FGF14: variants seen among roughly 807,000 people sequenced by gnomAD.
The protein encoded by FGF14 is fibroblast growth factor 14, also known as fibroblast growth factor homologous factor 4.
Under a neutral mutation model 25.5 loss-of-function variants are expected in FGF14, and 5 were observed. The ratio of observed to expected loss-of-function variants is 0.20; its 90% CI spans 0.10 to 0.41. The LOEUF is 0.41. FGF14 is among the 10% of genes least tolerant of loss of function. The probability of loss-of-function intolerance (pLI) is 1.00; values close to 1 mark genes in which losing one functional copy is unlikely to be tolerated. For missense variants in FGF14, 222 were observed against 320.1 expected, an observed-to-expected ratio of 0.69 and a Z score of 2.34; for synonymous variants, 138 against 118.3, an observed-to-expected ratio of 1.17 and a Z score of -1.08.
At chr13:101,748,525 G>A (rs187718118) in intron 3 of FGF14, among the ~76,000 whole-genome samples, 10 of 151,646 alleles carry the variant, frequency 6.6e-5, no homozygotes, top group Admixed American at 6.6e-4. Flanking sequence ...ATTCTTTAAT[G>A]GGTACAACGT....
intron 1 of FGF14, among the ~76,000 whole-genome samples, chr13:102,357,580 G>A (rs1011855395): frequency 2.6e-5 from 4 of 152,144 alleles, no homozygotes; most frequent in South Asian, 4.1e-4. Flanking sequence ...CTATTAGCTA[G>A]GGGACTTTGA....
At chr13:102,227,475 T>G (rs1159223420) in intron 1 of FGF14, among the ~76,000 whole-genome samples, 2 of 152,144 alleles carry the variant, frequency 1.3e-5, no homozygotes, top group African/African-American at 4.8e-5. Context: ...AGACACAAAA[T>G]TGTGTACATT....
At chr13:102,385,826 C>T (rs960677316) in intron 1 of FGF14, among the ~76,000 whole-genome samples, 1 of 152,166 alleles carries the variant, frequency 6.6e-6, no homozygotes, top group Non-Finnish European at 1.5e-5. Context: ...ATACATTCAA[C>T]TTGCTTTGTA....
chr13:102,188,046 C>A (rs967097520), intron 1 of FGF14, among the ~76,000 whole-genome samples: 1 of 152,114 alleles, frequency 6.6e-6, no homozygotes, highest in Admixed American at 6.6e-5. Context: ...TGCTTATTTT[C>A]TGGAAAATAC....
intron 1 of FGF14, among the ~76,000 whole-genome samples, chr13:102,039,701 T>C (rs567268599): frequency 2.0e-5 from 3 of 152,170 alleles, no homozygotes; most frequent in African/African-American, 2.4e-5. Flanking sequence ...TAAGACCCAA[T>C]TTCCACATAT....
chr13:101,755,283 T>G (rs998272447), intron 3 of FGF14, among the ~76,000 whole-genome samples: 4 of 152,156 alleles, frequency 2.6e-5, no homozygotes, highest in Non-Finnish European at 5.9e-5. Context: ...TCTTAATCCT[T>G]GTATATTCTT....
intron 3 of FGF14, among the ~76,000 whole-genome samples, chr13:101,822,701 CTCAAACATTCA>C (rs2042215908): frequency 6.6e-6 from 1 of 152,114 alleles, no homozygotes; most frequent in African/African-American, 2.4e-5. Context: ...TATTCATGAC[CTCAAACATTCA>C]TCATTTCTTT....
chr13:101,868,725 T>C lies in FGF14; in HGVS notation c.408A>G (p.Ser136=). The part of the protein sequence containing the change: ...AMNGEGYLYP[S]ELFTPECKFK... ...CCGAGATCTTTGGCGTCTTACTTAC[T>C]GATGGGTAGAGGTAACCTTCTCCAT... The change falls in exon 3 of 5, where the codon TCA becomes TCG. Residue 136 remains serine, a splice_region_variant and synonymous_variant. Coordinates refer to ENST00000376143, the MANE Select transcript of FGF14 (RefSeq NM_004115.4). 1 of 1,586,702 alleles carries C rather than the reference T, an allele frequency of 6.3e-7. No homozygotes were observed. Among genetic ancestry groups the C allele is most frequent in the Non-Finnish European group, 8.7e-7 (1 of 1,155,084 alleles).
intron 1 of FGF14, among the ~76,000 whole-genome samples, chr13:101,927,177 A>G (rs1034463271): frequency 2.0e-5 from 3 of 152,160 alleles, no homozygotes; most frequent in African/African-American, 7.2e-5. Flanking sequence ...AGGGTACCCA[A>G]TGGTTAAAAG....
chr13:101,982,639 T>C (rs1435172589), intron 1 of FGF14, among the ~76,000 whole-genome samples: 1 of 152,220 alleles, frequency 6.6e-6, no homozygotes, highest in Non-Finnish European at 1.5e-5. Flanking sequence ...TAGCTAGGCA[T>C]GCTAGGCCTC....
At chr13:102,081,500 T>C (rs2043618845) in intron 1 of FGF14, among the ~76,000 whole-genome samples, 1 of 152,170 alleles carries the variant, frequency 6.6e-6, no homozygotes, top group Non-Finnish European at 1.5e-5. Context: ...ACCTTCCCAC[T>C]GGCTTTGGTC....
At chr13:101,993,748 G>T (rs1170707319) in intron 1 of FGF14, among the ~76,000 whole-genome samples, 2 of 151,840 alleles carry the variant, frequency 1.3e-5, no homozygotes, top group Non-Finnish European at 2.9e-5. Flanking sequence ...TATATAGGAT[G>T]CTCAATTAGA....
At chr13:102,033,989 T>C (rs914505468) in intron 1 of FGF14, among the ~76,000 whole-genome samples, 7 of 152,050 alleles carry the variant, frequency 4.6e-5, no homozygotes, top group Non-Finnish European at 7.4e-5. Context: ...CCTAGAAAAG[T>C]GAGGACCGCA....
intron 1 of FGF14, among the ~76,000 whole-genome samples, chr13:102,373,007 T>C (rs371961715): frequency 6.8e-4 from 103 of 152,270 alleles, no homozygotes; most frequent in African/African-American, 2.4e-3. Context: ...AACACAGCTC[T>C]TAAGACCTTA....
At chr13:101,918,950 C>T (rs1038597006), upstream of FGF14, among the ~76,000 whole-genome samples, 5 of 152,308 alleles carry the variant, frequency 3.3e-5, no homozygotes, top group Admixed American at 3.3e-4. Flanking sequence ...TCCCTAGTCA[C>T]TCATAAAATA....
chr13:101,713,190 A>T lies in FGF14; in HGVS notation c.*9641T>A, dbSNP rs541400733. On this transcript the variant is annotated 3_prime_UTR_variant, in exon 5 of 5. Transcript: ENST00000376143. Reference sequence around the variant, plus strand: ...AAATGCATATACCAGTTTCCCTGATATGAAATATCACATAGTTGAGACACA... The same window carrying T: ...AAATGCATATACCAGTTTCCCTGATTTGAAATATCACATAGTTGAGACACA... The T allele has an allele frequency of 1.2e-4, 18 of 152,332 alleles. No homozygotes were observed. The highest frequency in any genetic ancestry group is 4.1e-4 in the African/African-American group (17 of 41,574). 9.4% of individuals were successfully genotyped at this position (152,332 alleles called of 1,614,324 possible).
chr13:102,204,804 C>T (rs918841866), intron 1 of FGF14, among the ~76,000 whole-genome samples: 13 of 152,200 alleles, frequency 8.5e-5, no homozygotes, highest in African/African-American at 2.9e-4. Context: ...CTCGGCCTCC[C>T]AAAGTGCTAG....
intron 1 of FGF14, among the ~76,000 whole-genome samples, chr13:102,371,742 G>A (rs2057891997): frequency 6.6e-6 from 1 of 152,060 alleles, no homozygotes; most frequent in Non-Finnish European, 1.5e-5. Flanking sequence ...GAATAACAAA[G>A]TAAATGCTTT....
chr13:102,276,306 C>T (rs1393997138), intron 1 of FGF14, among the ~76,000 whole-genome samples: 1 of 116,952 alleles, frequency 8.6e-6, no homozygotes, highest in African/African-American at 3.7e-5. Context: ...AATACACACA[C>T]ACACACACAC....
Sources: allele counts gnomAD v4.1 joint callset (sites outside exome capture counted in the v4.1 genomes callset), GRCh38; gene constraint gnomAD v4.1.1; transcripts MANE v1.5; gene names NCBI Gene and HGNC (gene_info 2026-07-23, HGNC 2026-07-21).